Variants in HDAC9 observed in about 807,000 individuals in gnomAD.
HDAC9 encodes histone deacetylase 9, also known as MEF-2 interacting transcription repressor (MITR) protein.
In HDAC9, 41 loss-of-function variants were observed where a neutral mutation model predicts 139.4. The observed-to-expected ratio is 0.29, with a 90% CI of 0.23 to 0.38. The LOEUF is 0.38. HDAC9 is among the 10% of genes least tolerant of loss of function. The pLI is 1.00. For synonymous variants in HDAC9, 517 were observed against 476.2 expected, an observed-to-expected ratio of 1.09 and a Z score of -1.12; for missense variants, 1,147 against 1,297.0, an observed-to-expected ratio of 0.88 and a Z score of 1.78.
At chr7:18,140,272 C>G (rs1785801360) in intron 1 of HDAC9, among the ~76,000 whole-genome samples, 1 of 152,058 alleles carries the variant, frequency 6.6e-6, no homozygotes, top group African/African-American at 2.4e-5. Flanking sequence ...GAATTCTTGG[C>G]AACAGGGATA....
At chr7:18,797,350 A>G (rs972989909) in intron 17 of HDAC9, among the ~76,000 whole-genome samples, 1 of 152,150 alleles carries the variant, frequency 6.6e-6, no homozygotes, top group African/African-American at 2.4e-5. Flanking sequence ...TTATTATAAA[A>G]CATTTGAGAC....
rs529454623 is a variant in HDAC9, at chr7:18,773,352, T to A, written c.2214+6197T>A. Reference sequence around the variant, plus strand: ...ACTGGGGCCATAAGACCTATTTTTTTAAAAAACTGTATACACACACACACA... The same window carrying A: ...ACTGGGGCCATAAGACCTATTTTTTAAAAAAACTGTATACACACACACACA... On this transcript the variant is annotated intron_variant, in intron 16 of 25. Coordinates refer to ENST00000686413, the MANE Select transcript of HDAC9 (RefSeq NM_178425.4). 2.0e-4 allele frequency among the ~76,000 whole-genome samples: 29 copies of A among 147,116 alleles called. No homozygotes were observed. The South Asian group carries it at 4.8e-3, about 24-fold the overall frequency.
intron 2 of HDAC9, among the ~76,000 whole-genome samples, chr7:18,233,579 G>A (rs903767844): frequency 2.0e-5 from 3 of 152,082 alleles, no homozygotes; most frequent in African/African-American, 4.8e-5. Context: ...CCAAGGATTT[G>A]ACAGCTAATT....
intron 16 of HDAC9, among the ~76,000 whole-genome samples, chr7:18,769,858 G>T (rs543680738): frequency 6.6e-6 from 1 of 152,182 alleles, no homozygotes; most frequent in African/African-American, 2.4e-5. Flanking sequence ...GGAAATTACC[G>T]AAATGACTTT....
chr7:18,651,774 G>C (rs73683042), intron 11 of HDAC9, among the ~76,000 whole-genome samples: 5,089 of 152,058 alleles, frequency 0.033, 309 homozygotes, highest in African/African-American at 0.12. Context: ...GATATTTGTG[G>C]GATAGTTGTG....
intron 6 of HDAC9, among the ~76,000 whole-genome samples, chr7:18,614,119 C>G (rs1004189050): frequency 4.6e-5 from 7 of 152,126 alleles, no homozygotes; most frequent in Non-Finnish European, 1.5e-5. Context: ...GCTTTCTCAT[C>G]TATAAAATGA....
At chr7:18,903,966 T>G (rs1801967813) in intron 22 of HDAC9, among the ~76,000 whole-genome samples, 1 of 152,134 alleles carries the variant, frequency 6.6e-6, no homozygotes, top group Non-Finnish European at 1.5e-5. Context: ...GCAACAAATC[T>G]AGGATGAGAA....
chr7:18,735,757 C>G (rs1206474427), intron 13 of HDAC9, among the ~76,000 whole-genome samples: 1 of 152,094 alleles, frequency 6.6e-6, no homozygotes, highest in East Asian at 1.9e-4. Context: ...AGTAGTTTTT[C>G]CAATTCTGTG....
chr7:18,193,972 T>C (rs1325454719), intron 2 of HDAC9, among the ~76,000 whole-genome samples: 1 of 152,218 alleles, frequency 6.6e-6, no homozygotes, highest in Non-Finnish European at 1.5e-5. Context: ...ATGTAACTTA[T>C]TGTTTGAAGC....
At position 18,907,460 on chromosome 7, in the gene HDAC9, G is replaced by A. The variant is rs537563756; in HGVS notation, c.2804-28349G>A. On this transcript the variant is annotated intron_variant, in intron 22 of 25. Transcript: ENST00000686413. Reference sequence around the variant, plus strand: ...TATAAGATGCTATGATGCATGTCAAGATTATATCACCTAGCTTTATTCCTA... The same window carrying A: ...TATAAGATGCTATGATGCATGTCAAAATTATATCACCTAGCTTTATTCCTA... Among the ~76,000 whole-genome samples the A allele has an allele frequency of 2.0e-5, 3 of 152,342 alleles. No individual in the cohort carries two copies. The South Asian group carries it at 6.2e-4, about 32-fold the overall frequency.
intron 2 of HDAC9, among the ~76,000 whole-genome samples, chr7:18,179,080 C>CT (rs1789183248): frequency 6.6e-6 from 1 of 152,120 alleles, no homozygotes; most frequent in South Asian, 2.1e-4. Context: ...AATGGAGTTC[C>CT]TTTCATATTT....
intron 1 of HDAC9, among the ~76,000 whole-genome samples, chr7:18,397,656 A>G (rs1787179485): frequency 6.6e-6 from 1 of 152,214 alleles, no homozygotes; most frequent in Non-Finnish European, 1.5e-5. Flanking sequence ...TTCATGTAAT[A>G]TATGGAAAAA....
intron 1 of HDAC9, among the ~76,000 whole-genome samples, chr7:18,149,425 A>G (rs1282597941): frequency 6.7e-6 from 1 of 148,822 alleles, no homozygotes; most frequent in Non-Finnish European, 1.5e-5. Context: ...GTGTGATCAT[A>G]ACTCACTGTA....
chr7:18,150,964 T>C (rs1786735203), intron 1 of HDAC9, among the ~76,000 whole-genome samples: 1 of 152,214 alleles, frequency 6.6e-6, no homozygotes, highest in African/African-American at 2.4e-5. Context: ...GATAAACAGC[T>C]AGGACTTTAA....
chr7:18,241,157 T>C (rs1353035106), intron 2 of HDAC9, among the ~76,000 whole-genome samples: 3 of 152,200 alleles, frequency 2.0e-5, no homozygotes, highest in Non-Finnish European at 4.4e-5. Context: ...ATACAAATAC[T>C]TTCACTTAAG....
chr7:18,087,032 C>G (rs572213096), exon 1 of HDAC9: 2 of 151,652 alleles, frequency 1.3e-5, no homozygotes, highest in African/African-American at 4.8e-5. Context: ...CCGCCGCGGC[C>G]GGTAAATCTC....
At chr7:18,629,286 T>C in intron 6 of HDAC9, 64 bp from the exon 7 acceptor site, 1 of 1,393,550 alleles carries the variant, frequency 7.2e-7, no homozygotes, top group Non-Finnish European at 9.6e-7. Context: ...TTTTAACACA[T>C]GAGCAATTGG....
chr7:18,731,812 G>C (rs780265137), intron 13 of HDAC9, among the ~76,000 whole-genome samples: 8 of 151,986 alleles, frequency 5.3e-5, no homozygotes, highest in Non-Finnish European at 1.0e-4. Flanking sequence ...TTTTAGTAGA[G>C]ACGGGGTTTC....
intron 2 of HDAC9, among the ~76,000 whole-genome samples, chr7:18,223,720 T>G (rs555583529): frequency 6.6e-6 from 1 of 152,126 alleles, no homozygotes; most frequent in Non-Finnish European, 1.5e-5. Context: ...TATTTATATA[T>G]GCACATGTGT....
Sources: gnomAD v4.1 joint callset for allele counts (sites outside exome capture counted in the v4.1 genomes callset) on GRCh38, gnomAD v4.1.1 for gene constraint, MANE v1.5 for transcripts, NCBI Gene and HGNC (gene_info 2026-07-23, HGNC 2026-07-21) for gene names.